UGT1A5: variants seen among roughly 807,000 people sequenced by gnomAD.
The protein encoded by UGT1A5 is UDP-glucuronosyltransferase 1A5.
Under a neutral mutation model 40.3 loss-of-function variants are expected in UGT1A5, and 29 were observed. The observed-to-expected ratio is 0.72, with a 90% CI of 0.54 to 0.98. The LOEUF is 0.98. Among genes scored for constraint, UGT1A5 ranks in the 50% least tolerant of loss-of-function variants. UGT1A5 has a pLI of 0.00. For missense variants in UGT1A5, 678 were observed against 677.9 expected (o/e 1.00, Z 0.00); for synonymous variants, 257 against 262.5 (o/e 0.98, Z 0.20).
Position 233,772,533 on chromosome 2 carries a change from A to G in UGT1A5, c.1579A>G (p.Lys527Glu). 6.2e-7 allele frequency: 1 copy of G among 1,614,214 alleles called. No homozygotes were observed. Among genetic ancestry groups the G allele is most frequent in the Non-Finnish European group, 8.5e-7 (1 of 1,180,036 alleles). ...KCLGKKGRVK[K>E]AHKSKTH ...CTTGGGGAAAAAAGGGCGAGTTAAG[A>G]AAGCCCACAAATCCAAGACCCATTG... Residue 527 changes from lysine to glutamate, a missense_variant, in exon 5 of 5, where the codon AAA (lysine) becomes GAA (glutamate). Coordinates refer to ENST00000373414, the MANE Select transcript of UGT1A5 (RefSeq NM_019078.2).
intron 1 of UGT1A5, chr2:233,754,890 C>T (rs1695628658): frequency 1.5e-6 from 2 of 1,351,546 alleles, no homozygotes; most frequent in Non-Finnish European, 2.0e-6. Context: ...CAGGGAGTTC[C>T]TCTGACCCCC....
chr2:233,750,944 CAG>C (rs1694596562), intron 1 of UGT1A5, among the ~76,000 whole-genome samples: 3 of 152,000 alleles, frequency 2.0e-5, no homozygotes, highest in Middle Eastern at 3.4e-3. Flanking sequence ...AGCCCCCACA[CAG>C]AGTCTCCACT....
chr2:233,738,076 A>C (rs17862873), intron 1 of UGT1A5, among the ~76,000 whole-genome samples: 29,204 of 152,030 alleles, frequency 0.19, 3,596 homozygotes, highest in South Asian at 0.3. Context: ...CCCACCTCCT[A>C]ATCTCATCAT....
At chr2:233,755,012 G>C in intron 1 of UGT1A5, 1 of 1,294,464 alleles carries the variant, frequency 7.7e-7, no homozygotes, top group Non-Finnish European at 1.0e-6. Flanking sequence ...CCTACTCGAA[G>C]GGGTCCTTGA....
intron 1 of UGT1A5, among the ~76,000 whole-genome samples, chr2:233,725,543 ATAT>A (rs909924952): frequency 1.3e-5 from 2 of 152,112 alleles, no homozygotes; most frequent in African/African-American, 4.8e-5. Flanking sequence ...CATATCACAA[ATAT>A]TATCCTTTCA....
In UGT1A5 at chr2:233,724,595, A is replaced by G. The variant is rs1396568061; in HGVS notation, c.867+10737A>G. Among the ~76,000 whole-genome samples, 12 of 124,834 alleles carry G rather than the reference A, an allele frequency of 9.6e-5. 2 individuals are homozygous for G. In the East Asian group the frequency reaches 3.1e-3, roughly 32 times the overall value. The allele number at this position is 124,834 out of a possible 152,430, so 81.9% of individuals were successfully genotyped here. A position where few individuals can be genotyped will look rare whatever the true frequency, so the allele number is the denominator to read the frequency against. ...GGCAGAGGCGCTCCCCACATCTCAG[A>G]CGATGGGCGGCCGGGCAGAGACGCT... On this transcript the variant is annotated intron_variant, in intron 1 of 4. Coordinates refer to ENST00000373414, the MANE Select transcript of UGT1A5 (RefSeq NM_019078.2).
At chr2:233,749,453 C>T (rs1313864160) in intron 1 of UGT1A5, among the ~76,000 whole-genome samples, 3 of 151,804 alleles carry the variant, frequency 2.0e-5, no homozygotes, top group Non-Finnish European at 2.9e-5. Flanking sequence ...TGGAGCAGAA[C>T]GAATTGGGAA....
chr2:233,767,947 C>T lies in UGT1A5; in HGVS notation c.1087+11C>T, dbSNP rs61764033. On this transcript the variant is annotated intron_variant, in intron 3 of 4. Coordinates refer to ENST00000373414, the MANE Select transcript of UGT1A5 (RefSeq NM_019078.2). ...AAAACGATCTGCTTGGTATGTTGGG[C>T]GGATTGGATGTATAGGTCAAACCAG... 4.4e-5 allele frequency: 71 copies of T among 1,614,092 alleles called. No individual in the cohort carries two copies. Among genetic ancestry groups the T allele is most frequent in the Middle Eastern group, 1.6e-4 (1 of 6,062 alleles).
chr2:233,772,792 A>G lies in UGT1A5; in HGVS notation c.*233A>G. On this transcript the variant is annotated 3_prime_UTR_variant, in exon 5 of 5. Coordinates refer to ENST00000373414, the MANE Select transcript of UGT1A5 (RefSeq NM_019078.2). ...CTCTGGTGTCTTTGATCAGGATGAC[A>G]TGTGCCATTTTTCAGAGGACGTGCA... 8.2e-7 allele frequency: 1 copy of G among 1,219,898 alleles called. No homozygotes were observed. The highest frequency in any genetic ancestry group is 3.0e-4 in the Middle Eastern group (1 of 3,362). 75.6% of individuals were successfully genotyped at this position (1,219,898 alleles called of 1,614,324 possible).
chr2:233,729,797 G>C (rs1376720200), intron 1 of UGT1A5: 2 of 1,613,908 alleles, frequency 1.2e-6, no homozygotes, highest in South Asian at 2.2e-5. Context: ...TCCTACATTT[G>C]CCATGCTTTT....
At chr2:233,760,401 C>T (rs2125983506) in intron 1 of UGT1A5, 1 of 1,614,220 alleles carries the variant, frequency 6.2e-7, no homozygotes, top group Non-Finnish European at 8.5e-7. Flanking sequence ...TGGATGGCAG[C>T]CACTGGCTGA....
chr2:233,763,191 T>C lies in UGT1A5; in HGVS notation c.868-3843T>C, dbSNP rs182750749. Among the ~76,000 whole-genome samples, 498 of 152,362 alleles carry C rather than the reference T, an allele frequency of 3.3e-3. 1 individual carries two copies. Among genetic ancestry groups the C allele is most frequent in the South Asian group, 5.6e-3 (27 of 4,830 alleles). ...GTTGACTACATATTTGTTGTTGCCT[T>C]GTTTGGTGCAGTCAGGCTTAGGTGT... is the stretch of plus-strand genomic sequence containing the variant. On this transcript the variant is annotated intron_variant, in intron 1 of 4. Coordinates refer to ENST00000373414, the MANE Select transcript of UGT1A5 (RefSeq NM_019078.2).
At chr2:233,731,419 A>G (rs768089383) in intron 1 of UGT1A5, among the ~76,000 whole-genome samples, 3 of 151,914 alleles carry the variant, frequency 2.0e-5, no homozygotes, top group Non-Finnish European at 4.4e-5. Flanking sequence ...ATTTTTCCTA[A>G]TGCCATCCCT....
At chr2:233,729,778 C>T in intron 1 of UGT1A5, 1 of 1,614,010 alleles carries the variant, frequency 6.2e-7, no homozygotes, top group Non-Finnish European at 8.5e-7. Flanking sequence ...GCTCTACCCT[C>T]TGGCCCTGTC....
rs1236460241 is a variant in UGT1A5 at position 233,729,022 on chromosome 2, G to T, written c.867+15164G>T. ...AGGGCACTCTGTCTTCCAATTACAC[G>T]TTGATTTGCTAAGTGGCTCAGTGAC... On this transcript the variant is annotated intron_variant, in intron 1 of 4. Transcript: ENST00000373414. The T allele has an allele frequency of 3.8e-6, 6 of 1,594,546 alleles. No individual in the cohort carries two copies. The East Asian group carries it at 1.1e-4, about 30-fold the overall frequency.
Position 233,758,200 on chromosome 2 carries a change from T to C in UGT1A5, c.868-8834T>C, listed in dbSNP as rs184891359. Among the ~76,000 whole-genome samples the C allele has an allele frequency of 3.3e-4, 50 of 152,348 alleles. No homozygotes were observed. In the East Asian group the frequency reaches 9.2e-3, roughly 28 times the overall value. On this transcript the variant is annotated intron_variant, in intron 1 of 4. Coordinates refer to ENST00000373414, the MANE Select transcript of UGT1A5 (RefSeq NM_019078.2). ...AGATATTAATTGGATTGCTTAGTAGTGGTTCTCTGTTGTAATTCATGAGCA... is the reference window on the plus strand; with the variant it reads ...AGATATTAATTGGATTGCTTAGTAGCGGTTCTCTGTTGTAATTCATGAGCA...
chr2:233,745,050 TTTATTTGTA>T (rs1253240051), intron 1 of UGT1A5, among the ~76,000 whole-genome samples: 6 of 151,926 alleles, frequency 3.9e-5, no homozygotes, highest in South Asian at 2.1e-4. Context: ...GTATTGGTTT[TTTATTTGTA>T]TTATTTGTAT....
intron 1 of UGT1A5, among the ~76,000 whole-genome samples, chr2:233,734,121 TA>T (rs1021409062): frequency 6.6e-6 from 1 of 151,862 alleles, no homozygotes; most frequent in African/African-American, 2.4e-5. Context: ...ATAATAATAA[TA>T]AAAAGAATTT....
intron 1 of UGT1A5, among the ~76,000 whole-genome samples, chr2:233,739,421 G>C (rs1173496275): frequency 2.6e-5 from 4 of 152,188 alleles, no homozygotes; most frequent in African/African-American, 9.7e-5. Context: ...AAAGCAGCCA[G>C]GACGAGGGCT....
Sources: gnomAD v4.1 joint callset for allele counts (sites outside exome capture counted in the v4.1 genomes callset) on GRCh38, gnomAD v4.1.1 for gene constraint, MANE v1.5 for transcripts, NCBI Gene and HGNC (gene_info 2026-07-23, HGNC 2026-07-21) for gene names.